Variants in CCDC93 observed in about 807,000 individuals in gnomAD.
CCDC93 encodes coiled-coil domain-containing protein 93.
Under a neutral mutation model 108.2 loss-of-function variants are expected in CCDC93, and 61 were observed. The observed-to-expected ratio is 0.56, with a 90% CI of 0.46 to 0.70. The LOEUF (loss-of-function observed/expected upper bound fraction) is 0.70, where lower values mean the gene tolerates loss of function less well. Ranked by LOEUF, CCDC93 falls within the 30% of genes least tolerant of loss-of-function variation. The probability of loss-of-function intolerance (pLI) is 0.00; values close to 1 mark genes in which losing one functional copy is unlikely to be tolerated. For synonymous variants in CCDC93, 276 were observed against 260.4 expected (o/e 1.06, Z -0.58); for missense variants, 685 against 764.2 (o/e 0.90, Z 1.22).
At chr2:117,945,665 G>A in intron 16 of CCDC93, 83 bp from the exon 17 acceptor site, 6 of 1,172,178 alleles carry the variant, frequency 5.1e-6, no homozygotes, top group South Asian at 2.5e-5. Context: ...GTAGGAAGGG[G>A]CCAGGCAGGG....
At chr2:118,008,696 T>A in intron 1 of CCDC93, 38 bp from the exon 2 acceptor site, 1 of 1,377,340 alleles carries the variant, frequency 7.3e-7, no homozygotes, top group Non-Finnish European at 1.0e-6. Context: ...GTAAAAGATA[T>A]GCTGAATAAA....
intron 22 of CCDC93, among the ~76,000 whole-genome samples, chr2:117,932,927 T>C (rs868775403): frequency 6.6e-6 from 1 of 152,222 alleles, no homozygotes; most frequent in South Asian, 2.1e-4. Context: ...GCCTTTCCTC[T>C]CTGCTCTGCA....
At chr2:117,947,206 C>T (rs577006435) in intron 15 of CCDC93, among the ~76,000 whole-genome samples, 20 of 152,306 alleles carry the variant, frequency 1.3e-4, no homozygotes, top group African/African-American at 4.1e-4. Flanking sequence ...TCCAGCAGGC[C>T]TCAACCTTAT....
chr2:117,954,328 T>C (rs999141638), intron 12 of CCDC93, among the ~76,000 whole-genome samples: 5 of 152,166 alleles, frequency 3.3e-5, no homozygotes, highest in Admixed American at 2.0e-4. Context: ...ACCAGGGGGT[T>C]CAGGAAACCT....
At chr2:117,968,143 C>T (rs781340128) in intron 11 of CCDC93, among the ~76,000 whole-genome samples, 4 of 152,122 alleles carry the variant, frequency 2.6e-5, no homozygotes, top group Non-Finnish European at 4.4e-5. Context: ...AGTATTAAAG[C>T]GGTCAAAACG....
intron 12 of CCDC93, among the ~76,000 whole-genome samples, chr2:117,953,491 G>C (rs1421747373): frequency 6.6e-6 from 1 of 152,112 alleles, no homozygotes; most frequent in Non-Finnish European, 1.5e-5. Context: ...GGTACTCTGG[G>C]AAAAAGTTTA....
chr2:117,995,258 C>T lies in CCDC93; in HGVS notation c.519+188G>A, dbSNP rs1680607858. 13 of 606,100 alleles carry T rather than the reference C, an allele frequency of 2.1e-5. No individual in the cohort carries two copies. The South Asian group carries it at 2.4e-4, about 11-fold the overall frequency. 37.5% of individuals were successfully genotyped at this position (606,100 alleles called of 1,614,324 possible). ...CAGAACAGTAGTGTGGCAGGTTCTC[C>T]CTGTGCATACTGGTGTCCTGGCCCT... On this transcript the variant is annotated intron_variant, in intron 6 of 23. Coordinates refer to ENST00000376300, the MANE Select transcript of CCDC93 (RefSeq NM_019044.5).
intron 7 of CCDC93, among the ~76,000 whole-genome samples, chr2:117,980,401 A>T (rs1269013800): frequency 6.6e-6 from 1 of 152,232 alleles, no homozygotes; most frequent in Non-Finnish European, 1.5e-5. Context: ...TTAGGGCAGA[A>T]GACATAAAGC....
intron 20 of CCDC93, among the ~76,000 whole-genome samples, chr2:117,937,977 TCA>T (rs369596106): frequency 9.2e-5 from 14 of 152,328 alleles, no homozygotes; most frequent in African/African-American, 3.4e-4. Flanking sequence ...CAATTTGGGT[TCA>T]GGTAAAAGAT....
chr2:117,994,846 G>A (rs1680594929), intron 6 of CCDC93, among the ~76,000 whole-genome samples: 1 of 152,202 alleles, frequency 6.6e-6, no homozygotes, highest in Non-Finnish European at 1.5e-5. Flanking sequence ...AGGCACCTAG[G>A]CTTCATTCCC....
At chr2:118,012,860 C>T (rs1334736485) in intron 1 of CCDC93, 1 of 152,198 alleles carries the variant, frequency 6.6e-6, no homozygotes, top group Non-Finnish European at 1.5e-5. Context: ...ACACAGTGAT[C>T]CCTCAATTAG....
At chr2:117,933,259 A>G (rs563323194) in intron 22 of CCDC93, among the ~76,000 whole-genome samples, 2 of 152,340 alleles carry the variant, frequency 1.3e-5, no homozygotes, top group South Asian at 4.1e-4. Flanking sequence ...GCTGCTCAAT[A>G]AAGACCATTT....
rs370443790 is a variant in CCDC93 at position 117,974,006 on chromosome 2, T to G, written c.802-12A>C. On this transcript the variant is annotated splice_polypyrimidine_tract_variant and intron_variant, in intron 10 of 23. Coordinates refer to ENST00000376300, the MANE Select transcript of CCDC93 (RefSeq NM_019044.5). The stretch of plus-strand genomic sequence containing the variant: ...GCGGTGAGACGGCTCTGCAAGTATA[T>G]GGAGGGAATGTTCTCAAGGCCAAGC... 1 of 1,578,396 alleles carries G rather than the reference T, an allele frequency of 6.3e-7. No homozygotes were observed. The highest frequency in any genetic ancestry group is 2.3e-5 in the East Asian group (1 of 44,278).
chr2:117,926,691 C>G (rs1044701009), intron 23 of CCDC93, among the ~76,000 whole-genome samples: 1 of 152,168 alleles, frequency 6.6e-6, no homozygotes. Flanking sequence ...ACCAGAGGTA[C>G]AAGGAGGAGC....
At chr2:117,960,344 G>A (rs1188368273) in intron 11 of CCDC93, among the ~76,000 whole-genome samples, 2 of 152,174 alleles carry the variant, frequency 1.3e-5, no homozygotes, top group African/African-American at 2.4e-5. Context: ...TGAGACGTGG[G>A]CAGGCAGGCT....
rs1217886288 is a variant in CCDC93, at chr2:117,919,637, G to A, written c.*706C>T. 1 of 152,142 alleles carries A rather than the reference G, an allele frequency of 6.6e-6. No homozygotes were observed. The highest frequency in any genetic ancestry group is 1.5e-5 in the Non-Finnish European group (1 of 68,022). 9.4% of individuals were successfully genotyped at this position (152,142 alleles called of 1,614,324 possible). ...TTTATTGACGTGTCCTCAGCACAAG[G>A]TCTGTTTTCAATTTTCTGAGAAATC... is the stretch of plus-strand genomic sequence containing the variant. On this transcript the variant is annotated 3_prime_UTR_variant, in exon 24 of 24. Coordinates refer to ENST00000376300, the MANE Select transcript of CCDC93 (RefSeq NM_019044.5).
chr2:117,971,036 C>A (rs74396429), intron 11 of CCDC93, among the ~76,000 whole-genome samples: 1 of 152,248 alleles, frequency 6.6e-6, no homozygotes, highest in African/African-American at 2.4e-5. Context: ...ATGAACTGCG[C>A]TGTATTAACA....
Position 118,001,237 on chromosome 2 carries a change from ACTTC to A in CCDC93, c.252-309_252-306del, listed in dbSNP as rs369350847. 2.3e-3 allele frequency: 529 copies of A among 227,836 alleles called. 2 individuals are homozygous for A. The highest frequency in any genetic ancestry group is 0.011 in the African/African-American group (490 of 44,044). The allele number at this position is 227,836 out of a possible 1,614,324, so 14.1% of individuals were successfully genotyped here. A position where few individuals can be genotyped will look rare whatever the true frequency, so the allele number is the denominator to read the frequency against. On this transcript the variant is annotated intron_variant, in intron 3 of 23. Transcript: ENST00000376300. ...TAGAGGTAGTCGTTACTATTTTTTA[ACTTC>A]CTTATGTAGTAAGATAAAAAGTTAT...
In CCDC93 at chr2:117,916,757, C is replaced by T. The variant is rs1677699748; in HGVS notation, c.*3586G>A. 1 of 152,168 alleles carries T rather than the reference C, an allele frequency of 6.6e-6. No individual in the cohort carries two copies. The highest frequency in any genetic ancestry group is 1.5e-5 in the Non-Finnish European group (1 of 68,040). 9.4% of individuals were successfully genotyped at this position (152,168 alleles called of 1,614,324 possible). A position where few individuals can be genotyped will look rare whatever the true frequency, so the allele number is the denominator to read the frequency against. On this transcript the variant is annotated 3_prime_UTR_variant, in exon 24 of 24. Transcript: ENST00000376300. ...CAGCACCAGATTCTCCAGTTTTGCACATTTATTGAGAAGAGGGAATACTAT... is the reference window on the plus strand; with the variant it reads ...CAGCACCAGATTCTCCAGTTTTGCATATTTATTGAGAAGAGGGAATACTAT...
Sources: gnomAD v4.1 joint callset for allele counts (sites outside exome capture counted in the v4.1 genomes callset) on GRCh38, gnomAD v4.1.1 for gene constraint, MANE v1.5 for transcripts, NCBI Gene and HGNC (gene_info 2026-07-23, HGNC 2026-07-21) for gene names.